Variants in TAOK1 observed in about 807,000 individuals in gnomAD.
The protein encoded by TAOK1 is serine/threonine-protein kinase TAO1.
A neutral mutation model predicts 138.3 loss-of-function variants in TAOK1; 21 were observed. That is an observed-to-expected ratio of 0.15 (90% CI 0.11 to 0.22). The LOEUF (loss-of-function observed/expected upper bound fraction) is 0.22, where lower values mean the gene tolerates loss of function less well. Among genes scored for constraint, TAOK1 ranks in the 10% least tolerant of loss-of-function variants. TAOK1 has a pLI of 1.00. For missense variants in TAOK1, 651 were observed against 1,227.7 expected (o/e 0.53, Z 7.02); for synonymous variants, 361 against 398.4 (o/e 0.91, Z 1.12).
intron 1 of TAOK1, among the ~76,000 whole-genome samples, chr17:29,401,355 T>G (rs1053710144): frequency 1.3e-5 from 2 of 152,154 alleles, no homozygotes; most frequent in African/African-American, 4.8e-5. Flanking sequence ...CTGGGGAGGC[T>G]TCAGAAAACT....
intron 2 of TAOK1, among the ~76,000 whole-genome samples, chr17:29,456,263 G>A (rs868247690): frequency 2.7e-5 from 4 of 149,828 alleles, no homozygotes; most frequent in Admixed American, 6.6e-5. Flanking sequence ...CATGAGAATC[G>A]CTTGAACCCG....
At chr17:29,532,121 A>G (rs2032125411) in intron 18 of TAOK1, among the ~76,000 whole-genome samples, 2 of 151,954 alleles carry the variant, frequency 1.3e-5, no homozygotes, top group Admixed American at 6.6e-5. Context: ...CAGCCTCCCA[A>G]AGTGCTGGGA....
intron 1 of TAOK1, among the ~76,000 whole-genome samples, chr17:29,408,345 C>T (rs927771390): frequency 6.6e-6 from 1 of 151,736 alleles, no homozygotes; most frequent in African/African-American, 2.4e-5. Flanking sequence ...CTCACCTCAG[C>T]CTCCCAAGTA....
chr17:29,535,129 C>T (rs1259168968), intron 19 of TAOK1, among the ~76,000 whole-genome samples: 1 of 151,068 alleles, frequency 6.6e-6, no homozygotes, highest in Non-Finnish European at 1.5e-5. Context: ...CTGGGCAACA[C>T]AGGGAGACCC....
intron 1 of TAOK1, among the ~76,000 whole-genome samples, chr17:29,445,875 A>T (rs1026709928): frequency 1.3e-5 from 2 of 152,102 alleles, no homozygotes; most frequent in Non-Finnish European, 2.9e-5. Flanking sequence ...ATTTATGTAG[A>T]ATTGGTATTT....
At chr17:29,430,601 G>T (rs534653449) in intron 1 of TAOK1, among the ~76,000 whole-genome samples, 3 of 152,244 alleles carry the variant, frequency 2.0e-5, no homozygotes, top group African/African-American at 7.2e-5. Context: ...GTCGCCTCTG[G>T]TCCTTTTGTT....
intron 2 of TAOK1, among the ~76,000 whole-genome samples, chr17:29,465,837 C>CTGTTTTTTTTTTTT (rs2030650767): frequency 2.2e-5 from 1 of 45,434 alleles, no homozygotes; most frequent in African/African-American, 1.1e-4. Flanking sequence ...AGTTTCTGTG[C>CTGTTTTTTTTTTTT]TTTTTTTTTT....
chr17:29,416,149 A>G (rs1905258542), intron 1 of TAOK1, among the ~76,000 whole-genome samples: 1 of 152,100 alleles, frequency 6.6e-6, no homozygotes, highest in Non-Finnish European at 1.5e-5. Context: ...CTGTAATCCA[A>G]GCTACTGGGG....
chr17:29,468,135 A>ATTTTTTTTATTTTTTTTTTTTTTT (rs2030721201), intron 3 of TAOK1, among the ~76,000 whole-genome samples: 1 of 76,058 alleles, frequency 1.3e-5, no homozygotes, highest in Non-Finnish European at 2.5e-5. Context: ...CCTGCTTTCA[A>ATTTTTTTTATTTTTTTTTTTTTTT]TTTTTTTTTT....
rs761153176 is a variant in TAOK1, at chr17:29,498,562, A to C, written c.1203+41A>C. The C allele has an allele frequency of 5.6e-6, 9 of 1,599,288 alleles. No individual in the cohort carries two copies. The South Asian group carries it at 9.9e-5, about 18-fold the overall frequency. On this transcript the variant is annotated intron_variant, in intron 12 of 19. Coordinates refer to ENST00000261716, the MANE Select transcript of TAOK1 (RefSeq NM_020791.4). ...TCAATGAAAGAAATTCAATGTTGGT[A>C]AACTGTTTTCTTCATCTGTTAGTTT...
intron 17 of TAOK1, among the ~76,000 whole-genome samples, chr17:29,524,223 G>A (rs2031967292): frequency 2.0e-5 from 3 of 152,016 alleles, no homozygotes; most frequent in African/African-American, 7.3e-5. Flanking sequence ...TTTGCAGTGG[G>A]GAGATACATA....
chr17:29,498,853 G>C (rs2031461090), intron 12 of TAOK1, among the ~76,000 whole-genome samples: 1 of 152,002 alleles, frequency 6.6e-6, no homozygotes, highest in South Asian at 2.1e-4. Flanking sequence ...TTGAACCTGG[G>C]AGGTGGAGGT....
intron 1 of TAOK1, among the ~76,000 whole-genome samples, chr17:29,419,253 A>G (rs1032380433): frequency 2.8e-4 from 42 of 151,424 alleles, no homozygotes; most frequent in Admixed American, 2.6e-3. Context: ...CTGGAGTGCA[A>G]TGGCATGCTC....
intron 1 of TAOK1, among the ~76,000 whole-genome samples, chr17:29,391,505 C>A (rs888504117): frequency 2.0e-5 from 3 of 152,182 alleles, no homozygotes; most frequent in Non-Finnish European, 2.9e-5. Flanking sequence ...CCGTACCCTT[C>A]CCCCTTCCCC....
At chr17:29,453,734 G>T (rs1027744161) in intron 2 of TAOK1, among the ~76,000 whole-genome samples, 1 of 151,652 alleles carries the variant, frequency 6.6e-6, no homozygotes, top group African/African-American at 2.4e-5. Flanking sequence ...ATGCCACCAT[G>T]TCTAGCTATA....
intron 1 of TAOK1, among the ~76,000 whole-genome samples, chr17:29,433,098 C>G (rs1905903046): frequency 6.6e-6 from 1 of 151,966 alleles, no homozygotes; most frequent in African/African-American, 2.4e-5. Context: ...ACTAGTAATG[C>G]AAGAGAATGT....
At chr17:29,394,228 C>T (rs1332681317) in intron 1 of TAOK1, among the ~76,000 whole-genome samples, 3 of 126,540 alleles carry the variant, frequency 2.4e-5, no homozygotes, top group East Asian at 2.5e-4. Flanking sequence ...TGCAGTGGCA[C>T]GATCTCGGCT....
In TAOK1 at chr17:29,468,135, A is replaced by ATT. The variant is rs761962930; in HGVS notation, c.204+935_204+936dup. On this transcript the variant is annotated intron_variant, in intron 3 of 19. Coordinates refer to ENST00000261716, the MANE Select transcript of TAOK1 (RefSeq NM_020791.4). Reference sequence around the variant, plus strand: ...AACCACTGTGCTTGGCCTGCTTTCAATTTTTTTTTTTTTTTTTAGGAGCTG... The same window carrying ATT: ...AACCACTGTGCTTGGCCTGCTTTCAATTTTTTTTTTTTTTTTTTTAGGAGCTG... Among the ~76,000 whole-genome samples, 49 of 76,050 alleles carry ATT rather than the reference A, an allele frequency of 6.4e-4. 9 individuals are homozygous for ATT. The East Asian group carries it at 7.3e-3, about 11-fold the overall frequency. The allele number at this position is 76,050 out of a possible 152,430, so 49.9% of individuals were successfully genotyped here.
intron 17 of TAOK1, among the ~76,000 whole-genome samples, chr17:29,527,839 C>A (rs2032037820): frequency 6.6e-6 from 1 of 152,176 alleles, no homozygotes. Context: ...CTTTTTAAAA[C>A]CTGAGTTCAT....
Sources: gnomAD v4.1 joint callset for allele counts (sites outside exome capture counted in the v4.1 genomes callset) on GRCh38, gnomAD v4.1.1 for gene constraint, MANE v1.5 for transcripts, NCBI Gene and HGNC (gene_info 2026-07-23, HGNC 2026-07-21) for gene names.